The following PLXNA4 variants were observed in gnomAD, a reference collection of about 807,000 sequenced individuals.
PLXNA4 encodes the protein plexin A4, also known as plexin-A4.
In PLXNA4, 44 loss-of-function variants were observed where a neutral mutation model predicts 191.8. The observed-to-expected ratio is 0.23, with a 90% CI of 0.18 to 0.29. PLXNA4 has a LOEUF of 0.29. PLXNA4 is among the 10% of genes least tolerant of loss of function. The probability of loss-of-function intolerance (pLI) is 1.00; values close to 1 mark genes in which losing one functional copy is unlikely to be tolerated. For synonymous variants in PLXNA4, 1,082 were observed against 1,009.5 expected (o/e 1.07, Z -1.36); for missense variants, 1,800 against 2,488.8 (o/e 0.72, Z 5.89).
At chr7:132,580,254 AC>A (rs1802377797), upstream of PLXNA4, among the ~76,000 whole-genome samples, 1 of 152,012 alleles carries the variant, frequency 6.6e-6, no homozygotes, top group Non-Finnish European at 1.5e-5. Context: ...TCTTGTCCCC[AC>A]CCCAAGAATA....
chr7:132,185,206 G>T, intron 16 of PLXNA4, 93 bp downstream of exon 16: 1 of 1,489,670 alleles, frequency 6.7e-7, no homozygotes, highest in Non-Finnish European at 8.9e-7. Flanking sequence ...CCCCAAGCAG[G>T]ACTGGGCCCC....
intron 1 of PLXNA4, among the ~76,000 whole-genome samples, chr7:132,526,967 T>C (rs768478883): frequency 1.3e-5 from 2 of 152,172 alleles, no homozygotes; most frequent in Non-Finnish European, 2.9e-5. Context: ...AAATAAACCA[T>C]AACTTGGAAA....
chr7:132,157,323 G>T (rs1376292), intron 25 of PLXNA4, among the ~76,000 whole-genome samples: 1 of 152,050 alleles, frequency 6.6e-6, no homozygotes, highest in Non-Finnish European at 1.5e-5. Flanking sequence ...TGGCAGGAGC[G>T]ACTGTGCCTG....
intron 5 of PLXNA4, among the ~76,000 whole-genome samples, chr7:132,232,831 T>C (rs563981083): frequency 6.6e-6 from 1 of 152,244 alleles, no homozygotes; most frequent in South Asian, 2.1e-4. Context: ...ATAGAAATAT[T>C]AACTCCCGGT....
chr7:132,325,885 C>G (rs1259238609), intron 3 of PLXNA4, among the ~76,000 whole-genome samples: 2 of 152,164 alleles, frequency 1.3e-5, no homozygotes, highest in Non-Finnish European at 2.9e-5. Context: ...TTACAGCAGG[C>G]AGCGGATTCC....
At position 132,145,206 on chromosome 7, in the gene PLXNA4, A is replaced by G; in HGVS notation, c.5138T>C (p.Ile1713Thr). 1 of 1,614,188 alleles carries G rather than the reference A, an allele frequency of 6.2e-7. No individual in the cohort carries two copies. Among genetic ancestry groups the G allele is most frequent in the Non-Finnish European group, 8.5e-7 (1 of 1,180,038 alleles). Residue 1713 changes from isoleucine (I) to threonine (T), a missense_variant, in exon 29 of 32, where the codon ATC becomes ACC. By Grantham distance (89) the Ile-to-Thr change is moderately conservative. Transcript: ENST00000321063. ...ATCCAGGAAGTCAAACATGTACTTG[A>G]TGGCCAGGGGCAGGGCAGAGCCACG... ...AHRGSALPLA[I>T]KYMFDFLDEQ...
chr7:132,148,956 C>T (rs1274972452), intron 25 of PLXNA4, among the ~76,000 whole-genome samples: 1 of 152,264 alleles, frequency 6.6e-6, no homozygotes, highest in East Asian at 1.9e-4. Flanking sequence ...ATTGGCCAAA[C>T]AAAAGAGGCA....
chr7:132,181,686 T>C lies in PLXNA4; in HGVS notation c.3253-66A>G, dbSNP rs997537556. The C allele has an allele frequency of 1.4e-5, 22 of 1,581,300 alleles. No individual in the cohort carries two copies. The African/African-American group carries it at 1.5e-4, about 11-fold the overall frequency. ...CACATACCCACAGCCCCAGTGCACA[T>C]AGTGGGCCTCCCTGGATGTCATCGG... On this transcript the variant is annotated intron_variant, in intron 17 of 31. Transcript: ENST00000321063.
At chr7:132,441,506 T>C (rs1278480554) in intron 3 of PLXNA4, among the ~76,000 whole-genome samples, 2 of 152,206 alleles carry the variant, frequency 1.3e-5, no homozygotes, top group Non-Finnish European at 2.9e-5. Context: ...TGATGTTCCC[T>C]AGCTAGGAGC....
rs151050598 is a variant in PLXNA4 at position 132,250,507 on chromosome 7, T to G, written c.1504-9341A>C. Among the ~76,000 whole-genome samples, 14 of 152,302 alleles carry G rather than the reference T, an allele frequency of 9.2e-5. No individual in the cohort carries two copies. The East Asian group carries it at 2.5e-3, about 27-fold the overall frequency. On this transcript the variant is annotated intron_variant, in intron 4 of 31. Coordinates refer to ENST00000321063, the MANE Select transcript of PLXNA4 (RefSeq NM_020911.2). ...TTATTGCCACAGATTAATCTCTTAG[T>G]GTAAAGGTTAAATCCTCTCCTTTCT...
At chr7:132,132,410 C>CTGTTCTGTTCTGT (rs1563047905) in intron 31 of PLXNA4, among the ~76,000 whole-genome samples, 14 of 39,196 alleles carry the variant, frequency 3.6e-4, no homozygotes, top group African/African-American at 1.7e-3. Flanking sequence ...CTGTTCTGTT[C>CTGTTCTGTTCTGT]TGTTCTGTTC....
intron 24 of PLXNA4, among the ~76,000 whole-genome samples, chr7:132,163,578 G>T (rs889410372): frequency 2.0e-5 from 3 of 152,178 alleles, no homozygotes; most frequent in Non-Finnish European, 4.4e-5. Context: ...TCCTAGGGTA[G>T]CTGTTTTTGT....
chr7:132,286,642 G>A (rs571812654), intron 4 of PLXNA4, among the ~76,000 whole-genome samples: 26 of 152,132 alleles, frequency 1.7e-4, no homozygotes, highest in Admixed American at 9.8e-4. Flanking sequence ...GAAGGAAAAT[G>A]AGCCAGTTTT....
At chr7:132,327,169 C>CAAAAAAAAA (rs60359571) in intron 3 of PLXNA4, among the ~76,000 whole-genome samples, 14 of 124,498 alleles carry the variant, frequency 1.1e-4, no homozygotes, top group African/African-American at 3.7e-4. Flanking sequence ...AAAAGGAAGG[C>CAAAAAAAAA]AAAAAAAAAA....
chr7:132,392,405 G>A (rs991746043), intron 3 of PLXNA4, among the ~76,000 whole-genome samples: 1 of 152,186 alleles, frequency 6.6e-6, no homozygotes, highest in African/African-American at 2.4e-5. Context: ...CTGTCTTTCA[G>A]ACTCACTCTC....
chr7:132,524,018 A>G (rs1799298869), intron 1 of PLXNA4, among the ~76,000 whole-genome samples: 1 of 152,206 alleles, frequency 6.6e-6, no homozygotes, highest in Non-Finnish European at 1.5e-5. Context: ...GTTCTGCGGA[A>G]GGCATCTCAT....
At chr7:132,222,473 C>T (rs947708853) in intron 9 of PLXNA4, among the ~76,000 whole-genome samples, 6 of 152,248 alleles carry the variant, frequency 3.9e-5, no homozygotes, top group Middle Eastern at 3.4e-3. Context: ...CCTCCTGCCC[C>T]CCTCCCCCCA....
chr7:132,482,504 C>T (rs552240510), intron 3 of PLXNA4, among the ~76,000 whole-genome samples: 1 of 152,254 alleles, frequency 6.6e-6, no homozygotes, highest in East Asian at 1.9e-4. Flanking sequence ...CCAGCCAATA[C>T]CATGACCCTA....
At position 132,130,473 on chromosome 7, in the gene PLXNA4, C is replaced by T. The variant is rs374306317; in HGVS notation, c.*6G>A. The stretch of plus-strand genomic sequence containing the variant: ...CCCCTCCAGGGCGGCCCTGGAAGGA[C>T]GGTTCTCAGCTGTCTAAGCTCATGA... On this transcript the variant is annotated 3_prime_UTR_variant, in exon 32 of 32. Transcript: ENST00000321063. 82 of 1,613,972 alleles carry T rather than the reference C, an allele frequency of 5.1e-5. No homozygotes were observed. The highest frequency in any genetic ancestry group is 2.1e-4 in the African/African-American group (16 of 74,908).
Sources: allele counts gnomAD v4.1 joint callset (sites outside exome capture counted in the v4.1 genomes callset), GRCh38; gene constraint gnomAD v4.1.1; transcripts MANE v1.5; gene names NCBI Gene and HGNC (gene_info 2026-07-23, HGNC 2026-07-21).